Variants in OSBPL1A observed in about 807,000 individuals in gnomAD.
OSBPL1A encodes oxysterol-binding protein-related protein 1.
OSBPL1A carries 80 observed loss-of-function variants against 137.1 expected under a neutral mutation model. The ratio of observed to expected loss-of-function variants is 0.58; its 90% CI spans 0.49 to 0.70. The LOEUF (loss-of-function observed/expected upper bound fraction) is 0.70. Ranked by LOEUF, OSBPL1A falls within the 30% of genes least tolerant of loss-of-function variation. The probability of loss-of-function intolerance (pLI) is 0.00; values close to 1 mark genes in which losing one functional copy is unlikely to be tolerated. For synonymous variants in OSBPL1A, 365 were observed against 389.7 expected (o/e 0.94, Z 0.75); for missense variants, 970 against 1,129.4 (o/e 0.86, Z 2.02).
In OSBPL1A at chr18:24,376,483, C is replaced by G. The variant is rs570806097; in HGVS notation, c.121+930G>C. 2.1e-4 allele frequency among the ~76,000 whole-genome samples: 32 copies of G among 152,352 alleles called. No individual in the cohort carries two copies. In the South Asian group the frequency reaches 3.7e-3, roughly 18 times the overall value. Reference sequence around the variant, plus strand: ...TGGGCTAGACATAAAGGTTCTCCACCTCCCCACCAGACTCAGGAGCCCAGC... The same window carrying G: ...TGGGCTAGACATAAAGGTTCTCCACGTCCCCACCAGACTCAGGAGCCCAGC... On this transcript the variant is annotated intron_variant, in intron 2 of 27. Coordinates refer to ENST00000319481, the MANE Select transcript of OSBPL1A (RefSeq NM_080597.4).
At chr18:24,346,924 A>AT (rs531979604) in intron 4 of OSBPL1A, among the ~76,000 whole-genome samples, 2 of 112,040 alleles carry the variant, frequency 1.8e-5, no homozygotes, top group Non-Finnish European at 3.7e-5. Flanking sequence ...TTTTTTTTTC[A>AT]TTTTTTGTAG....
intron 2 of OSBPL1A, among the ~76,000 whole-genome samples, chr18:24,368,873 C>T (rs1905384129): frequency 6.6e-6 from 1 of 152,074 alleles, no homozygotes; most frequent in Non-Finnish European, 1.5e-5. Context: ...GGATTTGTCC[C>T]CACCCATATC....
At chr18:24,391,456 T>C (rs1263375465) in intron 1 of OSBPL1A, among the ~76,000 whole-genome samples, 2 of 151,534 alleles carry the variant, frequency 1.3e-5, no homozygotes, top group Non-Finnish European at 2.9e-5. Context: ...GTGTGATGGC[T>C]CATGCCTGTA....
intron 24 of OSBPL1A, among the ~76,000 whole-genome samples, chr18:24,169,655 C>T (rs2086227931): frequency 6.6e-6 from 1 of 152,164 alleles, no homozygotes; most frequent in Admixed American, 6.5e-5. Context: ...GTGCTCGGAA[C>T]CATTGTCTTG....
intron 18 of OSBPL1A, among the ~76,000 whole-genome samples, chr18:24,194,445 A>G (rs1436269714): frequency 6.6e-6 from 1 of 152,228 alleles, no homozygotes; most frequent in Non-Finnish European, 1.5e-5. Context: ...CATAAAGGTA[A>G]ACATATTTAA....
At chr18:24,167,287 A>C in intron 25 of OSBPL1A, 42 bp downstream of exon 25, 1 of 1,552,294 alleles carries the variant, frequency 6.4e-7, no homozygotes, top group South Asian at 1.1e-5. Flanking sequence ...CCACAATGCT[A>C]AACACAGACA....
At chr18:24,272,217 G>A in intron 15 of OSBPL1A, 1 of 984,038 alleles carries the variant, frequency 1.0e-6, no homozygotes, top group Non-Finnish European at 1.2e-6. Context: ...CCCTCTCCTG[G>A]AGACACCGGC....
intron 1 of OSBPL1A, among the ~76,000 whole-genome samples, chr18:24,385,203 C>T (rs180915845): frequency 1.1e-4 from 17 of 152,138 alleles, no homozygotes; most frequent in Admixed American, 5.2e-4. Flanking sequence ...ATCCGCCCGC[C>T]CCGGCCTCCC....
At chr18:24,163,456 G>T (rs1322144131) in intron 27 of OSBPL1A, among the ~76,000 whole-genome samples, 175 bp from the exon 28 acceptor site, 1 of 152,162 alleles carries the variant, frequency 6.6e-6, no homozygotes, top group Non-Finnish European at 1.5e-5. Flanking sequence ...ACAGGTCTGT[G>T]GAATAATATT....
At chr18:24,183,821 G>T (rs1324403320) in intron 18 of OSBPL1A, among the ~76,000 whole-genome samples, 4 of 152,164 alleles carry the variant, frequency 2.6e-5, no homozygotes, top group Non-Finnish European at 4.4e-5. Flanking sequence ...TTTTAGCGGG[G>T]TGTTATACAC....
chr18:24,387,728 T>C (rs1474467234), intron 1 of OSBPL1A, among the ~76,000 whole-genome samples: 1 of 151,878 alleles, frequency 6.6e-6, no homozygotes, highest in Non-Finnish European at 1.5e-5. Flanking sequence ...ATTTCTTTTC[T>C]CATCTAAGAA....
intron 5 of OSBPL1A, among the ~76,000 whole-genome samples, chr18:24,334,655 CT>C (rs1363292510): frequency 6.6e-6 from 1 of 152,000 alleles, no homozygotes; most frequent in African/African-American, 2.4e-5. Flanking sequence ...GGGTTCATAC[CT>C]TCTAGAACCT....
At chr18:24,167,574 G>A in intron 24 of OSBPL1A, 129 bp from the exon 25 acceptor site, 2 of 749,860 alleles carry the variant, frequency 2.7e-6, no homozygotes, top group Admixed American at 2.1e-5. Context: ...TTATAGCGGA[G>A]CATGTATAGA....
At chr18:24,256,745 T>C (rs2089286325) in intron 15 of OSBPL1A, among the ~76,000 whole-genome samples, 1 of 151,898 alleles carries the variant, frequency 6.6e-6, no homozygotes, top group African/African-American at 2.4e-5. Context: ...CTATTAGAGC[T>C]GATAAATTCA....
In OSBPL1A at chr18:24,217,063, G is replaced by C. The variant is rs574137427; in HGVS notation, c.1601+7979C>G. Among the ~76,000 whole-genome samples the C allele has an allele frequency of 5.3e-5, 8 of 152,250 alleles. No homozygotes were observed. In the South Asian group the frequency reaches 1.7e-3, roughly 32 times the overall value. ...TACCAGAGAAACCAATGAGGGTCCTGTCAGAGGGACACAGAAGCTGACCCA... is the reference window on the plus strand; with the variant it reads ...TACCAGAGAAACCAATGAGGGTCCTCTCAGAGGGACACAGAAGCTGACCCA... On this transcript the variant is annotated intron_variant, in intron 17 of 27. Coordinates refer to ENST00000319481, the MANE Select transcript of OSBPL1A (RefSeq NM_080597.4).
At chr18:24,344,882 C>T (rs558225222) in intron 4 of OSBPL1A, among the ~76,000 whole-genome samples, 14 of 152,198 alleles carry the variant, frequency 9.2e-5, no homozygotes, top group African/African-American at 3.4e-4. Context: ...GGCACTACCT[C>T]GGCTCACTGC....
intron 7 of OSBPL1A, among the ~76,000 whole-genome samples, chr18:24,330,252 T>C (rs1386771781): frequency 6.6e-6 from 1 of 152,172 alleles, no homozygotes; most frequent in East Asian, 1.9e-4. Context: ...GATGTGCCCT[T>C]GGATGCAGCA....
intron 16 of OSBPL1A, among the ~76,000 whole-genome samples, chr18:24,233,167 T>C (rs902099627): frequency 1.3e-5 from 2 of 152,306 alleles, no homozygotes; most frequent in South Asian, 2.1e-4. Context: ...AAAACCACCA[T>C]GAAATTAGTT....
intron 3 of OSBPL1A, chr18:24,367,891 C>A (rs1905270551): frequency 1.3e-5 from 2 of 153,252 alleles, no homozygotes; most frequent in Admixed American, 6.5e-5. Flanking sequence ...TCTCAATTCT[C>A]TTTAAATACA....
Sources: gnomAD v4.1 joint callset for allele counts (sites outside exome capture counted in the v4.1 genomes callset) on GRCh38, gnomAD v4.1.1 for gene constraint, MANE v1.5 for transcripts, NCBI Gene and HGNC (gene_info 2026-07-23, HGNC 2026-07-21) for gene names.